PKN2: variants seen among roughly 807,000 people sequenced by gnomAD.
PKN2 encodes the protein serine/threonine-protein kinase N2.
PKN2 carries 38 observed loss-of-function variants against 119.1 expected under a neutral mutation model. The ratio of observed to expected loss-of-function variants is 0.32; its 90% CI spans 0.25 to 0.42. The LOEUF (loss-of-function observed/expected upper bound fraction) is 0.42, where lower values mean the gene tolerates loss of function less well. Ranked by LOEUF, PKN2 falls within the 10% of genes least tolerant of loss-of-function variation. The pLI is 1.00. For missense variants in PKN2, 850 were observed against 1,165.1 expected, an observed-to-expected ratio of 0.73 and a Z score of 3.94; for synonymous variants, 390 against 384.9, an observed-to-expected ratio of 1.01 and a Z score of -0.15.
chr1:88,717,606 C>T (rs555948789), intron 1 of PKN2, among the ~76,000 whole-genome samples: 8 of 151,958 alleles, frequency 5.3e-5, no homozygotes, highest in South Asian at 2.1e-4. Context: ...CTTGTGCATG[C>T]GTCACGTAGT....
intron 1 of PKN2, among the ~76,000 whole-genome samples, chr1:88,696,825 A>G (rs1666560568): frequency 6.6e-6 from 1 of 152,138 alleles, no homozygotes; most frequent in African/African-American, 2.4e-5. Flanking sequence ...ATATATTTAT[A>G]CTTTTCATCA....
At chr1:88,773,958 C>T (rs901950105) in intron 6 of PKN2, among the ~76,000 whole-genome samples, 1 of 152,156 alleles carries the variant, frequency 6.6e-6, no homozygotes, top group Non-Finnish European at 1.5e-5. Context: ...TACATGCACT[C>T]CTGACCAACT....
intron 8 of PKN2, among the ~76,000 whole-genome samples, chr1:88,802,846 C>T (rs1019108833): frequency 6.6e-6 from 1 of 152,182 alleles, no homozygotes; most frequent in Admixed American, 6.5e-5. Flanking sequence ...GTGCATCTTG[C>T]ATCTTCCTGA....
chr1:88,833,534 AG>A lies in PKN2; in HGVS notation c.*87del. On this transcript the variant is annotated 3_prime_UTR_variant, in exon 22 of 22. Transcript: ENST00000370521. The stretch of plus-strand genomic sequence containing the variant: ...TTCATTTGCTCTCTGTGCCACCAAT[AG>A]CTTCTGAGTTTTTTGTTGTTGTTGT... 6.1e-6 allele frequency: 6 copies of A among 979,552 alleles called. No individual in the cohort carries two copies. Among genetic ancestry groups the A allele is most frequent in the Non-Finnish European group, 9.5e-6 (6 of 633,836 alleles). The allele number at this position is 979,552 out of a possible 1,614,324, so 60.7% of individuals were successfully genotyped here.
At chr1:88,740,105 G>A (rs1036580720) in intron 1 of PKN2, among the ~76,000 whole-genome samples, 1 of 151,234 alleles carries the variant, frequency 6.6e-6, no homozygotes, top group African/African-American at 2.5e-5. Context: ...ATTAAAGTAT[G>A]GGGTGTGTAT....
chr1:88,726,128 C>T (rs891149060), intron 1 of PKN2, among the ~76,000 whole-genome samples: 8 of 152,072 alleles, frequency 5.3e-5, no homozygotes, highest in Non-Finnish European at 1.2e-4. Context: ...ATACATGACC[C>T]TGTTATCTGC....
At chr1:88,829,329 C>CG in intron 19 of PKN2, 4 of 505,832 alleles carry the variant, frequency 7.9e-6, no homozygotes, top group Admixed American at 2.7e-5. Flanking sequence ...GTATTCGCTA[C>CG]ACCAACAGCT....
At chr1:88,691,495 G>A (rs1354969604) in intron 1 of PKN2, among the ~76,000 whole-genome samples, 1 of 151,934 alleles carries the variant, frequency 6.6e-6, no homozygotes, top group African/African-American at 2.4e-5. Context: ...TGCAACTTTT[G>A]GATTTTTAAA....
rs144341243 is a variant in PKN2, at chr1:88,827,275, C to T, written c.2420-1206C>T. On this transcript the variant is annotated intron_variant, in intron 18 of 21. Transcript: ENST00000370521. ...TAGTTAGCCAAAATGTTAATACAGG[C>T]TGAGTATCCCTTATCCAAAATGCTT... Among the ~76,000 whole-genome samples, 328 of 152,084 alleles carry T rather than the reference C, an allele frequency of 2.2e-3. 2 individuals are homozygous for T. The highest frequency in any genetic ancestry group is 7.5e-3 in the African/African-American group (312 of 41,510).
intron 1 of PKN2, among the ~76,000 whole-genome samples, chr1:88,712,554 C>T (rs896995251): frequency 6.6e-6 from 1 of 152,052 alleles, no homozygotes; most frequent in Admixed American, 6.6e-5. Context: ...ATACTGTATT[C>T]TGAATTATTA....
intron 11 of PKN2, 37 bp from the exon 12 acceptor site, chr1:88,805,854 T>C: frequency 1.2e-6 from 2 of 1,611,832 alleles, no homozygotes; most frequent in Non-Finnish European, 8.5e-7. Flanking sequence ...ACAGACTTTC[T>C]ATTACTGTTT....
intron 3 of PKN2, among the ~76,000 whole-genome samples, chr1:88,766,989 TC>T (rs1038330185): frequency 6.6e-6 from 1 of 152,136 alleles, no homozygotes; most frequent in Non-Finnish European, 1.5e-5. Flanking sequence ...AAGGAGTATT[TC>T]CAAAGAAGTA....
chr1:88,792,866 A>T (rs1444232959), intron 8 of PKN2, among the ~76,000 whole-genome samples: 1 of 152,142 alleles, frequency 6.6e-6, no homozygotes, highest in East Asian at 1.9e-4. Context: ...TTCCAGCATC[A>T]CTAGTGGTAC....
intron 2 of PKN2, among the ~76,000 whole-genome samples, chr1:88,758,062 A>AAG (rs1553152333): frequency 0.02 from 2,813 of 143,400 alleles, 142 homozygotes; most frequent in African/African-American, 0.069. Context: ...AAAAAAAAAA[A>AAG]AGAAGTGTTT....
At chr1:88,783,307 T>G (rs745416229) in intron 6 of PKN2, among the ~76,000 whole-genome samples, 11 of 152,144 alleles carry the variant, frequency 7.2e-5, no homozygotes, top group Non-Finnish European at 1.2e-4. Flanking sequence ...CTTGTACTCT[T>G]ATTTCTGTCT....
chr1:88,720,672 T>C (rs987616251), intron 1 of PKN2, among the ~76,000 whole-genome samples: 4 of 152,112 alleles, frequency 2.6e-5, no homozygotes, highest in Admixed American at 2.0e-4. Flanking sequence ...AGGTGGTGTT[T>C]GGTTACATGG....
At chr1:88,779,295 C>T (rs1195583198) in intron 6 of PKN2, among the ~76,000 whole-genome samples, 1 of 151,630 alleles carries the variant, frequency 6.6e-6, no homozygotes, top group Non-Finnish European at 1.5e-5. Context: ...TGTAGTAAAC[C>T]TTTGAATGTT....
At chr1:88,699,446 G>A (rs1032670675) in intron 1 of PKN2, among the ~76,000 whole-genome samples, 7 of 151,692 alleles carry the variant, frequency 4.6e-5, no homozygotes, top group African/African-American at 1.2e-4. Context: ...TCTGGGGTGC[G>A]TGTGCAAGAT....
At position 88,805,654 on chromosome 1, in the gene PKN2, A is replaced by C. The variant is rs771912831; in HGVS notation, c.1659A>C (p.Gln553His). The C allele has an allele frequency of 2.5e-6, 4 of 1,613,922 alleles. No homozygotes were observed. The highest frequency in any genetic ancestry group is 2.7e-5 in the African/African-American group (2 of 74,894). Residue 553 changes from glutamine (Q) to histidine (H), a missense_variant, in exon 11 of 22, where the codon CAA becomes CAC. Gln to His is a conservative substitution (Grantham distance 24, BLOSUM62 0). Around this residue, in one of 9 missense-constraint regions of PKN2, gnomAD observed 216 missense variants for 252.8 expected, o/e 0.85. Coordinates refer to ENST00000370521, the MANE Select transcript of PKN2 (RefSeq NM_006256.4). Reference sequence around the variant, plus strand: ...CAGTGGTTGATGTACGCATCCCTCAACTAGCACCTCCAGCTAGGTATGTGT... The same window carrying C: ...CAGTGGTTGATGTACGCATCCCTCACCTAGCACCTCCAGCTAGGTATGTGT... ...TVPVVDVRIP[Q>H]LAPPASDSTV...
Sources: gnomAD v4.1 joint callset for allele counts (sites outside exome capture counted in the v4.1 genomes callset) on GRCh38, gnomAD v4.1.1 for gene constraint, gnomAD v4.1.1 regional missense constraint, MANE v1.5 for transcripts, NCBI Gene and HGNC (gene_info 2026-07-23, HGNC 2026-07-21) for gene names.